KMT2C: variants seen among roughly 807,000 people sequenced by gnomAD.
KMT2C encodes the protein lysine methyltransferase 2C.
A neutral mutation model predicts 507.9 loss-of-function variants in KMT2C; 88 were observed. The observed-to-expected ratio is 0.17, with a 90% CI of 0.15 to 0.21. The LOEUF (loss-of-function observed/expected upper bound fraction) is 0.21, where lower values mean the gene tolerates loss of function less well. Ranked by LOEUF, KMT2C falls within the 10% of genes least tolerant of loss-of-function variation. The pLI is 1.00. For synonymous variants in KMT2C, 2,049 were observed against 2,080.8 expected, an observed-to-expected ratio of 0.98 and a Z score of 0.42; for missense variants, 4,954 against 5,957.8, an observed-to-expected ratio of 0.83 and a Z score of 5.55.
At chr7:152,351,375 G>A (rs140280842) in intron 2 of KMT2C, among the ~76,000 whole-genome samples, 4 of 152,204 alleles carry the variant, frequency 2.6e-5, no homozygotes, top group Non-Finnish European at 5.9e-5. Context: ...ACTATGTTGC[G>A]CTGTGCTATG....
chr7:152,150,175 A>T (rs1206208981), intron 51 of KMT2C, among the ~76,000 whole-genome samples: 1 of 152,212 alleles, frequency 6.6e-6, no homozygotes, highest in Non-Finnish European at 1.5e-5. Flanking sequence ...AGTTGGACAC[A>T]CTCAAATTAC....
intron 18 of KMT2C, among the ~76,000 whole-genome samples, chr7:152,226,450 T>C (rs2094937276): frequency 6.6e-6 from 1 of 152,086 alleles, no homozygotes; most frequent in African/African-American, 2.4e-5. Context: ...CCAGACTGGC[T>C]TGAACTCCTG....
chr7:152,202,500 C>A (rs1334685148), intron 26 of KMT2C, among the ~76,000 whole-genome samples: 1 of 152,136 alleles, frequency 6.6e-6, no homozygotes, highest in African/African-American at 2.4e-5. Flanking sequence ...TTCTCCAGGC[C>A]TCTAAAAGTG....
intron 2 of KMT2C, among the ~76,000 whole-genome samples, chr7:152,339,852 A>C (rs553217001): frequency 5.3e-5 from 8 of 152,230 alleles, no homozygotes; most frequent in Non-Finnish European, 1.2e-4. Flanking sequence ...ATATAGATAC[A>C]AAGATTTATA....
At chr7:152,237,306 G>T (rs2095294967) in intron 15 of KMT2C, among the ~76,000 whole-genome samples, 1 of 152,228 alleles carries the variant, frequency 6.6e-6, no homozygotes, top group Non-Finnish European at 1.5e-5. Flanking sequence ...GCATAAAATA[G>T]ATACACATGA....
At chr7:152,287,658 G>A in intron 6 of KMT2C, among the ~76,000 whole-genome samples, 1 of 152,058 alleles carries the variant, frequency 6.6e-6, no homozygotes, top group South Asian at 2.1e-4. Flanking sequence ...ATAGTCAAAA[G>A]GTGCAAACAA....
chr7:152,294,251 C>T (rs2096465875), intron 6 of KMT2C, among the ~76,000 whole-genome samples: 1 of 152,170 alleles, frequency 6.6e-6, no homozygotes, highest in African/African-American at 2.4e-5. Context: ...GTACCGACAC[C>T]TTGCACTTAA....
chr7:152,138,768 T>C lies in KMT2C; in HGVS notation c.14643+28A>G, dbSNP rs369559928. ...CTATTCGCCCAGGATCTGAACAACA[T>C]GGCAGATGCAATCTCTCACACTCTT... On this transcript the variant is annotated intron_variant, in intron 58 of 58. Transcript: ENST00000262189. This position sits in a 1 kb window ranked among gnomAD's most constrained non-coding sequence, Gnocchi z 4.2. 281 of 1,354,944 alleles carry C rather than the reference T, an allele frequency of 2.1e-4. No individual in the cohort carries two copies. The highest frequency in any genetic ancestry group is 2.5e-4 in the Non-Finnish European group (243 of 964,764). The allele number at this position is 1,354,944 out of a possible 1,614,324, so 83.9% of individuals were successfully genotyped here. A position where few individuals can be genotyped will look rare whatever the true frequency, so the allele number is the denominator to read the frequency against.
At position 152,152,828 on chromosome 7, in the gene KMT2C, C is replaced by T. The variant is rs1053970999; in HGVS notation, c.12403G>A (p.Gly4135Ser). The change falls in exon 49 of 59, where the codon GGT (glycine) becomes AGT (serine). Residue 4135 changes from glycine (G) to serine (S), a missense_variant. Physicochemically the swap from Gly to Ser is moderately conservative, Grantham distance 56. This residue lies in a region of KMT2C where 417 missense variants were observed against 461.1 expected (regional missense o/e 0.90). Transcript: ENST00000262189. ...GLVSSHRINPGLEYRQHLLLR... is the reference protein window; with the variant it reads ...GLVSSHRINPSLEYRQHLLLR... ...AGTAAATGCTGTCGATACTCCAAAC[C>T]CGGGTTGATTCTGTGGCTACTGACC... 2 of 1,614,020 alleles carry T rather than the reference C, an allele frequency of 1.2e-6. No individual in the cohort carries two copies. Among genetic ancestry groups the T allele is most frequent in the African/African-American group, 2.7e-5 (2 of 74,908 alleles).
Position 152,252,548 on chromosome 7 carries a change from T to C in KMT2C, c.1467A>G (p.Lys489=). 6.2e-7 allele frequency: 1 copy of C among 1,610,990 alleles called. No individual in the cohort carries two copies. The highest frequency in any genetic ancestry group is 8.5e-7 in the Non-Finnish European group (1 of 1,177,832). Residue 489 remains lysine, a splice_region_variant and synonymous_variant, in exon 10 of 59, where the codon AAA becomes AAG. Coordinates refer to ENST00000262189, the MANE Select transcript of KMT2C (RefSeq NM_170606.3). ...GAATAGAATAACTATCTTCTTACCT[T>C]TTGCACATATTACAATGAAGCATGT... The part of the protein sequence containing the change: ...QKDMLHCNMC[K]RWVHLECDKP...
intron 1 of KMT2C, among the ~76,000 whole-genome samples, chr7:152,391,935 A>T (rs564591678): frequency 7.9e-5 from 12 of 152,086 alleles, no homozygotes; most frequent in Non-Finnish European, 1.6e-4. Flanking sequence ...TACATACATA[A>T]ATTTAAATGC....
chr7:152,223,949 T>C (rs756293967), intron 20 of KMT2C, 66 bp downstream of exon 20: 726 of 1,213,462 alleles, frequency 6.0e-4, no homozygotes, highest in Non-Finnish European at 7.6e-4. Context: ...CTATTTTCCA[T>C]TTGTTTTTTT....
intron 2 of KMT2C, among the ~76,000 whole-genome samples, chr7:152,331,435 G>A (rs2096881557): frequency 6.6e-6 from 1 of 151,698 alleles, no homozygotes; most frequent in Non-Finnish European, 1.5e-5. Context: ...TGGGAAACAT[G>A]GTAACACCCC....
intron 3 of KMT2C, among the ~76,000 whole-genome samples, chr7:152,330,065 A>C (rs1443348966): frequency 6.9e-6 from 1 of 144,554 alleles, no homozygotes; most frequent in Admixed American, 7.2e-5. Flanking sequence ...ACTCTCTTGA[A>C]CCAGGGAATT....
At chr7:152,241,336 G>A (rs189909758) in intron 14 of KMT2C, among the ~76,000 whole-genome samples, 88 of 152,332 alleles carry the variant, frequency 5.8e-4, no homozygotes, top group East Asian at 5.0e-3. Flanking sequence ...GAGTAGCTGG[G>A]ATTACAGGCA....
chr7:152,385,611 CAAAAAAAAAAAAAAAAAAAAAAAAAAA>C, intron 1 of KMT2C, among the ~76,000 whole-genome samples: 1 of 19,442 alleles, frequency 5.1e-5, no homozygotes, highest in African/African-American at 4.9e-4. Context: ...GACTCCGTCT[CAAAAAAAAAAAAAAAAAAAAAAAAAAA>C]AAAAAAAAAA....
intron 2 of KMT2C, among the ~76,000 whole-genome samples, chr7:152,353,884 T>G (rs1430233284): frequency 6.6e-6 from 1 of 152,182 alleles, no homozygotes; most frequent in Non-Finnish European, 1.5e-5. Context: ...AAATAAACCC[T>G]GGGGTCTTGA....
intron 23 of KMT2C, among the ~76,000 whole-genome samples, chr7:152,207,920 C>A (rs1426676551): frequency 6.6e-6 from 1 of 152,068 alleles, no homozygotes; most frequent in African/African-American, 2.4e-5. Flanking sequence ...CCTGGAAGAC[C>A]ACCTCAATCA....
At chr7:152,292,474 T>TA (rs1414124734) in intron 6 of KMT2C, among the ~76,000 whole-genome samples, 1 of 151,980 alleles carries the variant, frequency 6.6e-6, no homozygotes, top group African/African-American at 2.4e-5. Flanking sequence ...AATGCCCAAA[T>TA]AAATGGGTGT....
Sources: gnomAD v4.1 joint callset for allele counts (sites outside exome capture counted in the v4.1 genomes callset) on GRCh38, gnomAD v4.1.1 for gene constraint, gnomAD v4.1.1 regional missense constraint, Gnocchi (gnomAD v3.1) non-coding constraint, MANE v1.5 for transcripts, NCBI Gene and HGNC (gene_info 2026-07-23, HGNC 2026-07-21) for gene names.